The following CEP120 variants were observed in gnomAD, a reference collection of about 807,000 sequenced individuals.
The protein encoded by CEP120 is centrosomal protein 120, also known as centrosomal protein of 120 kDa.
In CEP120, 113 loss-of-function variants were observed where a neutral mutation model predicts 126.5. That is an observed-to-expected ratio of 0.89 (90% CI 0.77 to 1.04). The LOEUF is 1.04. Among genes scored for constraint, CEP120 ranks in the 50% least tolerant of loss-of-function variants. CEP120 has a pLI of 0.00. For missense variants in CEP120, 1,230 were observed against 1,155.7 expected (o/e 1.06, Z -0.93); for synonymous variants, 400 against 394.3 (o/e 1.01, Z -0.17).
At chr5:123,422,279 G>A (rs113549413) in intron 1 of CEP120, among the ~76,000 whole-genome samples, 1 of 152,008 alleles carries the variant, frequency 6.6e-6, no homozygotes, top group Non-Finnish European at 1.5e-5. Flanking sequence ...TGAAACTTCC[G>A]CAGTTTCCTT....
chr5:123,377,347 A>G, intron 16 of CEP120, 27 bp downstream of exon 16: 1 of 1,594,274 alleles, frequency 6.3e-7, no homozygotes. Flanking sequence ...AACTAAGCAT[A>G]AAAAGATGAC....
At chr5:123,351,515 T>C (rs1769197036) in intron 18 of CEP120, among the ~76,000 whole-genome samples, 1 of 152,180 alleles carries the variant, frequency 6.6e-6, no homozygotes, top group African/African-American at 2.4e-5. Context: ...CTACTGGATA[T>C]ATACATAGGC....
chr5:123,408,498 C>T (rs1157896328), intron 4 of CEP120, among the ~76,000 whole-genome samples: 4 of 152,004 alleles, frequency 2.6e-5, no homozygotes, highest in Admixed American at 6.6e-5. Flanking sequence ...GATGTCTAGG[C>T]CCACAAATTT....
chr5:123,401,392 G>A, intron 4 of CEP120: 2 of 1,471,948 alleles, frequency 1.4e-6, no homozygotes, highest in Non-Finnish European at 1.9e-6. Context: ...TCTCAGCCTG[G>A]AGCCGGCTGA....
chr5:123,422,210 T>G (rs1221897751), intron 1 of CEP120, among the ~76,000 whole-genome samples: 1 of 152,182 alleles, frequency 6.6e-6, no homozygotes, highest in Non-Finnish European at 1.5e-5. Flanking sequence ...GCCCTTCCTT[T>G]TTTCACCTGA....
intron 18 of CEP120, among the ~76,000 whole-genome samples, chr5:123,356,397 C>T (rs1769626805): frequency 6.6e-6 from 1 of 152,076 alleles, no homozygotes; most frequent in African/African-American, 2.4e-5. Context: ...GTGAAAATGG[C>T]CATACTGCCC....
intron 19 of CEP120, 136 bp from the exon 20 acceptor site, chr5:123,346,889 A>G: frequency 1.6e-6 from 1 of 610,320 alleles, no homozygotes; most frequent in Non-Finnish European, 2.6e-6. Flanking sequence ...AAAAAAAACC[A>G]GTGTTCCACT....
At chr5:123,404,878 GA>G (rs1404343044) in intron 4 of CEP120, among the ~76,000 whole-genome samples, 2 of 152,200 alleles carry the variant, frequency 1.3e-5, no homozygotes, top group Middle Eastern at 3.4e-3. Context: ...TTCCTCTACA[GA>G]AAAAGTTTAC....
intron 4 of CEP120, among the ~76,000 whole-genome samples, chr5:123,409,689 G>A (rs531660010): frequency 1.2e-4 from 18 of 152,268 alleles, no homozygotes; most frequent in African/African-American, 4.3e-4. Flanking sequence ...CAGGTGTGGT[G>A]GCTCATGCCT....
chr5:123,400,574 A>ATATGTATAGTATATATATGATAT, intron 4 of CEP120, among the ~76,000 whole-genome samples: 3 of 151,836 alleles, frequency 2.0e-5, no homozygotes, highest in Non-Finnish European at 4.4e-5. Flanking sequence ...GCGTCTATAT[A>ATATGTATAGTATATATATGATAT]CATATATATA....
intron 11 of CEP120, among the ~76,000 whole-genome samples, chr5:123,383,631 C>A (rs1267016827): frequency 1.3e-5 from 2 of 151,900 alleles, no homozygotes; most frequent in Non-Finnish European, 2.9e-5. Context: ...CTTTTTTCTA[C>A]TTTTCCTGGG....
chr5:123,386,663 A>C lies in CEP120; in HGVS notation c.1435T>G (p.Ser479Ala). ...GFPINCILRY[S>A]YPFFGSAAPI... The stretch of plus-strand genomic sequence containing the variant: ...GCTGCACTTCCAAAGAATGGATATG[A>C]GTACCTAGAATTTAAAAAAAAAAAA... The change falls in exon 10 of 20, where the codon TCA (serine) becomes GCA (alanine). Residue 479 changes from serine to alanine, a missense_variant. Physicochemically the swap from Ser to Ala is moderately conservative, Grantham distance 99 (BLOSUM62 1). Coordinates refer to ENST00000306467, the MANE Select transcript of CEP120 (RefSeq NM_001375405.1). 2 of 646,002 alleles carry C rather than the reference A, an allele frequency of 3.1e-6. No individual in the cohort carries two copies. The highest frequency in any genetic ancestry group is 4.8e-6 in the Non-Finnish European group (2 of 420,084). 40.0% of individuals were successfully genotyped at this position (646,002 alleles called of 1,614,324 possible). A position where few individuals can be genotyped will look rare whatever the true frequency, so the allele number is the denominator to read the frequency against.
At chr5:123,404,987 A>C (rs553993460) in intron 4 of CEP120, among the ~76,000 whole-genome samples, 1 of 152,242 alleles carries the variant, frequency 6.6e-6, no homozygotes, top group East Asian at 1.9e-4. Flanking sequence ...AGGGACTGTA[A>C]AACATTGAAG....
intron 17 of CEP120, 27 bp from the exon 18 acceptor site, chr5:123,364,621 T>C (rs1308433231): frequency 7.3e-7 from 1 of 1,362,860 alleles, no homozygotes; most frequent in Admixed American, 1.8e-5. Flanking sequence ...TCATATCAAG[T>C]GAAACACTAT....
upstream of CEP120, chr5:123,423,593 C>T (rs1219066791): frequency 2.6e-5 from 4 of 154,132 alleles, no homozygotes; most frequent in African/African-American, 9.7e-5. Flanking sequence ...CTGCTGTAAA[C>T]GCTTCCTGAA....
rs762321074 is a variant in CEP120 at position 123,364,527 on chromosome 5, C to T, written c.2549G>A (p.Arg850Gln). 1.8e-5 allele frequency: 29 copies of T among 1,606,772 alleles called. No individual in the cohort carries two copies. In the East Asian group the frequency reaches 5.4e-4, roughly 30 times the overall value. The change falls in exon 18 of 20, where the codon CGA (arginine) becomes CAA (glutamine). Residue 850 changes from arginine to glutamine, a missense_variant. By Grantham distance (43) the Arg-to-Gln change is conservative. Transcript: ENST00000306467. ...SKLHYKQQWGRALKELARLKQ... is the reference protein window; with the variant it reads ...SKLHYKQQWGQALKELARLKQ... ...AAGTCTGGCAAGTTCTTTCAAAGCT[C>T]GTCCCCACTGCTGCTTGTAATGCAG...
At chr5:123,367,492 C>A (rs777803425) in intron 17 of CEP120, among the ~76,000 whole-genome samples, 57 of 151,958 alleles carry the variant, frequency 3.8e-4, no homozygotes, top group Non-Finnish European at 6.9e-4. Context: ...CTTTTCAGCA[C>A]TGACATGACA....
At position 123,393,513 on chromosome 5, in the gene CEP120, A is replaced by G; in HGVS notation, c.613-16T>C. ...ATGGAATTAACTAAACATTTCAGGAAAAAGAAAACAGTTATTACTTTCTAA... is the reference window on the plus strand; with the variant it reads ...ATGGAATTAACTAAACATTTCAGGAGAAAGAAAACAGTTATTACTTTCTAA... On this transcript the variant is annotated splice_polypyrimidine_tract_variant and intron_variant, in intron 5 of 19. Coordinates refer to ENST00000306467, the MANE Select transcript of CEP120 (RefSeq NM_001375405.1). 2 of 1,599,168 alleles carry G rather than the reference A, an allele frequency of 1.3e-6. No individual in the cohort carries two copies. The highest frequency in any genetic ancestry group is 1.7e-6 in the Non-Finnish European group (2 of 1,167,320).
intron 7 of CEP120, 91 bp downstream of exon 7, chr5:123,391,019 T>C (rs1772356817): frequency 2.4e-6 from 2 of 849,336 alleles, no homozygotes; most frequent in African/African-American, 1.7e-5. Flanking sequence ...AATATATCCT[T>C]ATGAAGGTAA....
Sources: allele counts gnomAD v4.1 joint callset (sites outside exome capture counted in the v4.1 genomes callset), GRCh38; gene constraint gnomAD v4.1.1; transcripts MANE v1.5; gene names NCBI Gene and HGNC (gene_info 2026-07-23, HGNC 2026-07-21).